The following CTNNBIP1 variants were observed in gnomAD, a reference collection of about 807,000 sequenced individuals.
The protein encoded by CTNNBIP1 is beta-catenin-interacting protein 1.
A neutral mutation model predicts 11.8 loss-of-function variants in CTNNBIP1; 7 were observed. The observed-to-expected ratio is 0.60, with a 90% CI of 0.34 to 1.12. The LOEUF is 1.12. Among genes scored for constraint, CTNNBIP1 ranks in the 50% most tolerant of loss-of-function variants. The pLI, the probability that CTNNBIP1 is intolerant of heterozygous loss-of-function variation, is 0.03. For missense variants in CTNNBIP1, 101 were observed against 113.4 expected (o/e 0.89, Z 0.50); for synonymous variants, 58 against 43.9 (o/e 1.32, Z -1.26).
chr1:9,869,306 T>A lies in CTNNBIP1; in HGVS notation c.187+1881A>T, dbSNP rs143191649. 1.3e-4 allele frequency among the ~76,000 whole-genome samples: 20 copies of A among 152,190 alleles called. No homozygotes were observed. The East Asian group carries it at 2.5e-3, about 19-fold the overall frequency. On this transcript the variant is annotated intron_variant, in intron 5 of 5. Transcript: ENST00000377263. ...TGAGCCACTGCACCTGGCCACCAGC[T>A]TTTTTTTCTATGTGCATATACAGCT...
chr1:9,856,802 C>T (rs879468851), intron 5 of CTNNBIP1, among the ~76,000 whole-genome samples: 29 of 151,634 alleles, frequency 1.9e-4, no homozygotes, highest in Admixed American at 1.8e-3. Context: ...GCATGAGCTA[C>T]CATGCCTAGT....
At chr1:9,899,328 C>T (rs560784276) in intron 1 of CTNNBIP1, among the ~76,000 whole-genome samples, 87 of 150,532 alleles carry the variant, frequency 5.8e-4, no homozygotes, top group African/African-American at 2.0e-3. Context: ...TGGTGGCGTG[C>T]ACCTGTAATG....
intron 1 of CTNNBIP1, among the ~76,000 whole-genome samples, chr1:9,886,697 C>T (rs1466360275): frequency 6.6e-6 from 1 of 152,168 alleles, no homozygotes; most frequent in African/African-American, 2.4e-5. Flanking sequence ...TGTTGCTCTC[C>T]AGTATACAAG....
intron 5 of CTNNBIP1, among the ~76,000 whole-genome samples, chr1:9,865,223 T>C (rs11121499): frequency 0.13 from 19,083 of 146,176 alleles, 3,419 homozygotes; most frequent in African/African-American, 0.4. Flanking sequence ...AGTGAGACTC[T>C]GTCTCAAAAA....
intron 1 of CTNNBIP1, among the ~76,000 whole-genome samples, chr1:9,888,509 G>A (rs977994239): frequency 2.4e-4 from 37 of 151,418 alleles, no homozygotes; most frequent in Admixed American, 6.6e-4. Context: ...CCGAGATCGC[G>A]CCACTGCACT....
intron 1 of CTNNBIP1, among the ~76,000 whole-genome samples, chr1:9,885,039 CTG>C (rs2101514103): frequency 1.3e-5 from 2 of 152,244 alleles, no homozygotes; most frequent in Non-Finnish European, 2.9e-5. Context: ...GACCACCTGA[CTG>C]TTGAATGGAG....
chr1:9,893,764 G>A (rs1462447629), intron 1 of CTNNBIP1, among the ~76,000 whole-genome samples: 2 of 152,072 alleles, frequency 1.3e-5, no homozygotes, highest in African/African-American at 2.4e-5. Context: ...GTTAAAAAAC[G>A]AAAACAAAAC....
Position 9,872,003 on chromosome 1 carries a change from C to T in CTNNBIP1, c.62G>A (p.Arg21Gln), listed in dbSNP as rs761438511. Residue 21 changes from arginine (R) to glutamine (Q), a missense_variant, in exon 4 of 6, where the codon CGA becomes CAA. Physicochemically the swap from Arg to Gln is conservative, Grantham distance 43 (BLOSUM62 1). Transcript: ENST00000377263. The surrounding 1 kb of genome is among the most constrained non-coding windows in gnomAD (Gnocchi z 4.0). ...PEEMYIQQKVRVLLMLRKMGS... is the reference protein window; with the variant it reads ...PEEMYIQQKVQVLLMLRKMGS... ...CATCTTCCGCAGCATGAGCAGCACT[C>T]GGACCTTCTGCTGAATGTACATCTC... is the stretch of plus-strand genomic sequence containing the variant. The T allele has an allele frequency of 3.1e-6, 5 of 1,614,056 alleles. No individual in the cohort carries two copies. The highest frequency in any genetic ancestry group is 3.4e-6 in the Non-Finnish European group (4 of 1,179,986).
rs1341421820 is a variant in CTNNBIP1 at position 9,883,500 on chromosome 1, G to A, written c.-110+205C>T. Among the ~76,000 whole-genome samples, 1 of 152,154 alleles carries A rather than the reference G, an allele frequency of 6.6e-6. No individual in the cohort carries two copies. The highest frequency in any genetic ancestry group is 1.9e-4 in the East Asian group (1 of 5,184). On this transcript the variant is annotated intron_variant, in intron 2 of 5. Coordinates refer to ENST00000377263, the MANE Select transcript of CTNNBIP1 (RefSeq NM_020248.3). The surrounding 1 kb of genome is among the most constrained non-coding windows in gnomAD (Gnocchi z 5.6). ...CCCATCACAGCCCTCACTAAGCATGGGACTGCCCCCCATGCACATGCTCCA... is the reference window on the plus strand; with the variant it reads ...CCCATCACAGCCCTCACTAAGCATGAGACTGCCCCCCATGCACATGCTCCA...
Position 9,871,254 on chromosome 1 carries a change from G to C in CTNNBIP1, c.120C>G (p.Phe40Leu). 1 of 1,577,298 alleles carries C rather than the reference G, an allele frequency of 6.3e-7. No homozygotes were observed. Among genetic ancestry groups the C allele is most frequent in the Admixed American group, 1.9e-5 (1 of 53,414 alleles). The change falls in exon 5 of 6, where the codon TTC becomes TTG. Residue 40 changes from phenylalanine to leucine, a missense_variant. Phe to Leu is a conservative substitution (Grantham distance 22, BLOSUM62 0). Coordinates refer to ENST00000377263, the MANE Select transcript of CTNNBIP1 (RefSeq NM_020248.3). The surrounding 1 kb of genome is among the most constrained non-coding windows in gnomAD (Gnocchi z 5.2). ...GSNLTASEEEFLRTYAGVVNS... is the reference protein window; with the variant it reads ...GSNLTASEEELLRTYAGVVNS... Reference sequence around the variant, plus strand: ...TGACCACCCCTGCATAGGTGCGCAGGAACTCCTCCTCGCTGGCTGTCAGCT... The same window carrying C: ...TGACCACCCCTGCATAGGTGCGCAGCAACTCCTCCTCGCTGGCTGTCAGCT...
At chr1:9,879,556 C>T (rs1460196710) in intron 2 of CTNNBIP1, among the ~76,000 whole-genome samples, 1 of 152,112 alleles carries the variant, frequency 6.6e-6, no homozygotes, top group Non-Finnish European at 1.5e-5. Context: ...CCACTGCCAC[C>T]GCCTCCACCG....
At chr1:9,859,264 G>A (rs1638572284) in intron 5 of CTNNBIP1, among the ~76,000 whole-genome samples, 1 of 152,196 alleles carries the variant, frequency 6.6e-6, no homozygotes, top group Admixed American at 6.5e-5. Flanking sequence ...ACCAGGACAG[G>A]GTATCCAGCA....
chr1:9,910,054 G>A (rs1639704503), intron 1 of CTNNBIP1, 41 bp downstream of exon 1: 1 of 147,718 alleles, frequency 6.8e-6, no homozygotes, highest in African/African-American at 2.4e-5. Context: ...GGCGCGGCGC[G>A]GGCCCGGGCG....
chr1:9,881,478 T>A (rs1466898977), intron 2 of CTNNBIP1, among the ~76,000 whole-genome samples: 1 of 151,426 alleles, frequency 6.6e-6, no homozygotes, highest in Non-Finnish European at 1.5e-5. Context: ...TAGCTGGGAT[T>A]ACAGATGCCC....
intron 2 of CTNNBIP1, among the ~76,000 whole-genome samples, chr1:9,882,925 G>A (rs552290208): frequency 7.2e-5 from 11 of 152,330 alleles, no homozygotes; most frequent in African/African-American, 1.4e-4. Flanking sequence ...ATCGAAACAC[G>A]GTGACAAGCT....
At chr1:9,870,002 T>G (rs1638828582) in intron 5 of CTNNBIP1, among the ~76,000 whole-genome samples, 1 of 152,208 alleles carries the variant, frequency 6.6e-6, no homozygotes, top group Admixed American at 6.5e-5. Flanking sequence ...TGAGCTGCTG[T>G]CCCAGGGAGC....
rs189110893 is a variant in CTNNBIP1 at position 9,893,871 on chromosome 1, C to T, written c.-143-10133G>A. 2.0e-5 allele frequency among the ~76,000 whole-genome samples: 3 copies of T among 152,302 alleles called. No homozygotes were observed. In the East Asian group the frequency reaches 5.8e-4, roughly 29 times the overall value. Reference sequence around the variant, plus strand: ...GCCAGAAAGACACTAATCATAAAAACTTCCAAGTCCGAAAAAAGAATAACT... The same window carrying T: ...GCCAGAAAGACACTAATCATAAAAATTTCCAAGTCCGAAAAAAGAATAACT... On this transcript the variant is annotated intron_variant, in intron 1 of 5. Transcript: ENST00000377263.
chr1:9,896,117 CTTTG>C (rs1639403504), intron 1 of CTNNBIP1, among the ~76,000 whole-genome samples: 1 of 151,230 alleles, frequency 6.6e-6, no homozygotes, highest in South Asian at 2.2e-4. Context: ...AGCAGCTTTT[CTTTG>C]TTTATCAGGA....
chr1:9,860,257 TTCAG>T (rs1172543080), intron 5 of CTNNBIP1, among the ~76,000 whole-genome samples: 1 of 151,858 alleles, frequency 6.6e-6, no homozygotes, highest in East Asian at 1.9e-4. Context: ...AAAGGGGAAC[TTCAG>T]TCACAGATGG....
Sources: allele counts gnomAD v4.1 joint callset (sites outside exome capture counted in the v4.1 genomes callset), GRCh38; gene constraint gnomAD v4.1.1; non-coding constraint Gnocchi (gnomAD v3.1); transcripts MANE v1.5; gene names NCBI Gene and HGNC (gene_info 2026-07-23, HGNC 2026-07-21).